The following ROBO1 variants were observed in gnomAD, a reference collection of about 807,000 sequenced individuals.
The protein encoded by ROBO1 is roundabout guidance receptor 1, also known as roundabout homolog 1.
Under a neutral mutation model 195.9 loss-of-function variants are expected in ROBO1, and 149 were observed. That is an observed-to-expected ratio of 0.76 (90% CI 0.67 to 0.87). ROBO1 has a LOEUF of 0.87. ROBO1 is among the 40% of genes least tolerant of loss of function. The pLI, the probability that ROBO1 is intolerant of heterozygous loss-of-function variation, is 0.00. For missense variants in ROBO1, 1,933 were observed against 2,068.3 expected, an observed-to-expected ratio of 0.93 and a Z score of 1.27; for synonymous variants, 816 against 733.2, an observed-to-expected ratio of 1.11 and a Z score of -1.82.
chr3:79,300,215 G>C (rs749501669), intron 2 of ROBO1, among the ~76,000 whole-genome samples: 17 of 152,282 alleles, frequency 1.1e-4, no homozygotes, highest in Admixed American at 2.0e-4. Flanking sequence ...AGGGAGGTGT[G>C]GGGGGAGAGG....
At chr3:78,674,417 G>A (rs150654321) in intron 10 of ROBO1, among the ~76,000 whole-genome samples, 23 of 152,234 alleles carry the variant, frequency 1.5e-4, no homozygotes, top group African/African-American at 3.9e-4. Context: ...TATAAATACC[G>A]GTATTTCCAG....
At chr3:78,891,453 G>A (rs2036888686) in intron 4 of ROBO1, among the ~76,000 whole-genome samples, 1 of 152,104 alleles carries the variant, frequency 6.6e-6, no homozygotes, top group Admixed American at 6.5e-5. Flanking sequence ...AAAGAATGAT[G>A]ACACCATGGA....
intron 2 of ROBO1, among the ~76,000 whole-genome samples, chr3:79,187,442 G>A (rs182350418): frequency 1.4e-4 from 21 of 152,074 alleles, no homozygotes; most frequent in South Asian, 8.3e-4. Context: ...AGTGAGAATC[G>A]CCCTCTAAAG....
At chr3:79,668,435 AC>A (rs1946535625) in intron 1 of ROBO1, among the ~76,000 whole-genome samples, 1 of 148,674 alleles carries the variant, frequency 6.7e-6, no homozygotes. Context: ...AAAAAAAAAA[AC>A]AGTGAAAGAA....
intron 1 of ROBO1, among the ~76,000 whole-genome samples, chr3:79,673,700 G>T (rs999829110): frequency 6.6e-6 from 1 of 151,928 alleles, no homozygotes; most frequent in Non-Finnish European, 1.5e-5. Flanking sequence ...TTCGTCTGAG[G>T]TATTTTTGGC....
chr3:79,523,235 T>C (rs776325266), intron 2 of ROBO1, among the ~76,000 whole-genome samples: 5 of 151,892 alleles, frequency 3.3e-5, no homozygotes, highest in Non-Finnish European at 7.4e-5. Flanking sequence ...TTCTCAATCC[T>C]TTAGTTAAAG....
intron 2 of ROBO1, among the ~76,000 whole-genome samples, chr3:79,345,963 G>A (rs1425922799): frequency 2.0e-5 from 3 of 152,046 alleles, no homozygotes; most frequent in Non-Finnish European, 4.4e-5. Flanking sequence ...TTTTAAATAT[G>A]GTATTTTCTG....
At chr3:79,531,184 A>T (rs943812103) in intron 2 of ROBO1, among the ~76,000 whole-genome samples, 1 of 152,218 alleles carries the variant, frequency 6.6e-6, no homozygotes, top group African/African-American at 2.4e-5. Flanking sequence ...TGATTTGTTG[A>T]TTAATTACTA....
intron 2 of ROBO1, among the ~76,000 whole-genome samples, chr3:79,523,824 A>C (rs576634781): frequency 6.6e-6 from 1 of 152,328 alleles, no homozygotes; most frequent in Admixed American, 6.5e-5. Flanking sequence ...GACTACCAAG[A>C]AAATGATAGA....
intron 2 of ROBO1, among the ~76,000 whole-genome samples, chr3:79,316,688 A>T (rs2033751368): frequency 6.6e-6 from 1 of 152,102 alleles, no homozygotes; most frequent in East Asian, 1.9e-4. Flanking sequence ...GTTAAGAAAA[A>T]TATAATATAA....
intron 3 of ROBO1, among the ~76,000 whole-genome samples, chr3:79,072,359 T>A (rs1183819169): frequency 6.6e-6 from 1 of 151,940 alleles, no homozygotes; most frequent in East Asian, 1.9e-4. Flanking sequence ...GTTTCAAATA[T>A]TTAAATATTC....
chr3:78,712,017 C>CAAAAAAAAAAA (rs56267632), intron 8 of ROBO1, among the ~76,000 whole-genome samples: 4 of 76,464 alleles, frequency 5.2e-5, no homozygotes, highest in African/African-American at 5.4e-5. Context: ...AAGACCTTGG[C>CAAAAAAAAAAA]AAAAAAAAAA....
intron 2 of ROBO1, among the ~76,000 whole-genome samples, chr3:79,429,518 A>G (rs576558109): frequency 4.7e-4 from 71 of 152,252 alleles, no homozygotes; most frequent in African/African-American, 1.6e-3. Context: ...AGAGTTATTA[A>G]CAGGAATCAG....
intron 1 of ROBO1, among the ~76,000 whole-genome samples, chr3:79,744,856 T>G (rs948506514): frequency 6.6e-6 from 1 of 152,102 alleles, no homozygotes; most frequent in African/African-American, 2.4e-5. Context: ...TATGAAGTGA[T>G]GAATGATAAA....
intron 1 of ROBO1, among the ~76,000 whole-genome samples, chr3:79,746,769 T>A (rs1434447737): frequency 6.6e-6 from 1 of 152,090 alleles, no homozygotes; most frequent in Admixed American, 6.6e-5. Flanking sequence ...GGAGCCTAGC[T>A]TTTTCAGAGA....
intron 4 of ROBO1, among the ~76,000 whole-genome samples, chr3:78,913,616 T>C (rs1200354683): frequency 6.6e-6 from 1 of 152,124 alleles, no homozygotes; most frequent in East Asian, 1.9e-4. Context: ...AGGAAAATAA[T>C]AGACTGATGT....
chr3:78,991,310 C>T (rs1411735463), intron 3 of ROBO1, among the ~76,000 whole-genome samples: 2 of 152,120 alleles, frequency 1.3e-5, no homozygotes, highest in Non-Finnish European at 2.9e-5. Context: ...AGCTTAGAAT[C>T]TGCTGCAAAA....
intron 4 of ROBO1, among the ~76,000 whole-genome samples, chr3:78,765,736 A>T (rs2083214275): frequency 6.6e-6 from 1 of 152,192 alleles, no homozygotes; most frequent in Non-Finnish European, 1.5e-5. Context: ...ACTTTAATAG[A>T]GGACAAAGCT....
intron 4 of ROBO1, among the ~76,000 whole-genome samples, chr3:78,803,830 G>C (rs2084443568): frequency 6.6e-6 from 1 of 151,804 alleles, no homozygotes; most frequent in African/African-American, 2.4e-5. Context: ...GAGGTTATTG[G>C]GTCTGTTTAA....
Sources: gnomAD v4.1 joint callset for allele counts (sites outside exome capture counted in the v4.1 genomes callset) on GRCh38, gnomAD v4.1.1 for gene constraint, MANE v1.5 for transcripts, NCBI Gene and HGNC (gene_info 2026-07-23, HGNC 2026-07-21) for gene names.